Variants in NDUFB8 observed in about 807,000 individuals in gnomAD.
NDUFB8 encodes the protein NADH:ubiquinone oxidoreductase subunit B8, also known as NADH dehydrogenase [ubiquinone] 1 beta subcomplex subunit 8, mitochondrial.
Under a neutral mutation model 26.0 loss-of-function variants are expected in NDUFB8, and 17 were observed. The ratio of observed to expected loss-of-function variants is 0.65; its 90% CI spans 0.45 to 0.98. The LOEUF (loss-of-function observed/expected upper bound fraction) is 0.98, where lower values mean the gene tolerates loss of function less well. Among genes scored for constraint, NDUFB8 ranks in the 50% least tolerant of loss-of-function variants. The pLI, the probability that NDUFB8 is intolerant of heterozygous loss-of-function variation, is 0.00. For synonymous variants in NDUFB8, 89 were observed against 93.1 expected, an observed-to-expected ratio of 0.96 and a Z score of 0.25; for missense variants, 238 against 255.0, an observed-to-expected ratio of 0.93 and a Z score of 0.45.
intron 2 of NDUFB8, chr10:100,529,099 C>A: frequency 3.5e-6 from 1 of 285,242 alleles, no homozygotes; most frequent in Non-Finnish European, 6.6e-6. Context: ...CTGGATAGAG[C>A]CAAGGAAGGC....
rs1240873376 is a variant in NDUFB8, at chr10:100,523,762, A to C, written c.*75T>G. ...AAATAACACAGCACTGAGTTTTATT[A>C]GGGATTTCATTAAGGTTAAATTTCT... On this transcript the variant is annotated 3_prime_UTR_variant, in exon 5 of 5. Coordinates refer to ENST00000299166, the MANE Select transcript of NDUFB8 (RefSeq NM_005004.4). 8 of 1,363,854 alleles carry C rather than the reference A, an allele frequency of 5.9e-6. No individual in the cohort carries two copies. The African/African-American group carries it at 1.0e-4, about 17-fold the overall frequency. The allele number at this position is 1,363,854 out of a possible 1,614,324, so 84.5% of individuals were successfully genotyped here. A position where few individuals can be genotyped will look rare whatever the true frequency, so the allele number is the denominator to read the frequency against.
intron 2 of NDUFB8, 37 bp downstream of exon 2, chr10:100,529,343 T>C (rs1275481336): frequency 1.3e-6 from 2 of 1,525,752 alleles, no homozygotes; most frequent in Non-Finnish European, 1.8e-6. Context: ...CCTTCTCCCA[T>C]CACTACTTGG....
At chr10:100,525,189 C>T (rs761649886) in intron 4 of NDUFB8, among the ~76,000 whole-genome samples, 5 of 151,962 alleles carry the variant, frequency 3.3e-5, no homozygotes, top group Non-Finnish European at 7.4e-5. Flanking sequence ...CCAATGCAGC[C>T]GGTTATTTAG....
Position 100,524,177 on chromosome 10 carries a change from T to A in NDUFB8, c.469-248A>T. ...AGGAGAAAGGGGGAGGGAAGGGGGT[T>A]AGGGAAAGGAGGGGAAGGGAGGAAG... On this transcript the variant is annotated intron_variant, in intron 4 of 4. Transcript: ENST00000299166. This position sits in a 1 kb window ranked among gnomAD's most constrained non-coding sequence, Gnocchi z 4.0. The A allele has an allele frequency of 6.8e-7, 1 of 1,479,206 alleles. No homozygotes were observed. Among genetic ancestry groups the A allele is most frequent in the Non-Finnish European group, 9.2e-7 (1 of 1,082,876 alleles). 91.6% of individuals were successfully genotyped at this position (1,479,206 alleles called of 1,614,324 possible).
At chr10:100,529,256 AC>A (rs1257034140) in intron 2 of NDUFB8, 123 bp downstream of exon 2, 2 of 450,728 alleles carry the variant, frequency 4.4e-6, no homozygotes, top group East Asian at 2.3e-4. Flanking sequence ...AGAGAAAAGC[AC>A]CCACTCCATT....
downstream of NDUFB8, chr10:100,523,734 C>T: frequency 9.1e-7 from 1 of 1,093,046 alleles, no homozygotes; most frequent in Non-Finnish European, 1.3e-6. Context: ...GGAAATGAGG[C>T]ACAAATAACA....
rs1056688070 is a variant in NDUFB8, at chr10:100,524,177, TAGGGAAAGG to T, written c.469-257_469-249del. ...AGGAGAAAGGGGGAGGGAAGGGGGT[TAGGGAAAGG>T]AGGGGAAGGGAGGAAGACAGGGAGG... On this transcript the variant is annotated intron_variant, in intron 4 of 4. Coordinates refer to ENST00000299166, the MANE Select transcript of NDUFB8 (RefSeq NM_005004.4). This position sits in a 1 kb window ranked among gnomAD's most constrained non-coding sequence, Gnocchi z 4.0. 1 of 1,479,086 alleles carries T rather than the reference TAGGGAAAGG, an allele frequency of 6.8e-7. No individual in the cohort carries two copies. Among genetic ancestry groups the T allele is most frequent in the African/African-American group, 1.4e-5 (1 of 69,636 alleles). 91.6% of individuals were successfully genotyped at this position (1,479,086 alleles called of 1,614,324 possible). A position where few individuals can be genotyped will look rare whatever the true frequency, so the allele number is the denominator to read the frequency against.
At chr10:100,529,640 G>A in intron 1 of NDUFB8, 127 bp downstream of exon 1, 1 of 1,539,744 alleles carries the variant, frequency 6.5e-7, no homozygotes, top group Non-Finnish European at 8.8e-7. Flanking sequence ...CCATTTTCTG[G>A]ATATATCAAC....
rs760778443 is a variant in NDUFB8 at position 100,529,797 on chromosome 10, G to A, written c.55C>T (p.Arg19Trp). Residue 19 changes from arginine (R) to tryptophan (W), a missense_variant, in exon 1 of 5, where the codon CGG (arginine) becomes TGG (tryptophan). By Grantham distance (101) the Arg-to-Trp change is moderately radical. Coordinates refer to ENST00000299166, the MANE Select transcript of NDUFB8 (RefSeq NM_005004.4). ...LGVQWLQRAS[R>W]NVMPLGARTA... ...CGTGCGCCCAGCGGCATCACGTTCC[G>A]GGATGCCCTTTGCAGCCACTGGACT... 2 of 1,613,572 alleles carry A rather than the reference G, an allele frequency of 1.2e-6. No homozygotes were observed. Among genetic ancestry groups the A allele is most frequent in the African/African-American group, 1.3e-5 (1 of 74,904 alleles).
chr10:100,526,342 C>T, intron 4 of NDUFB8, 57 bp downstream of exon 4: 1 of 1,515,146 alleles, frequency 6.6e-7, no homozygotes, highest in Non-Finnish European at 8.8e-7. Context: ...AGACTTCACT[C>T]CCTCAGGAAA....
chr10:100,526,604 G>A (rs1451710811), intron 3 of NDUFB8, 50 bp from the exon 4 acceptor site: 1 of 1,604,282 alleles, frequency 6.2e-7, no homozygotes, highest in Non-Finnish European at 8.5e-7. Context: ...CCTGCAAAAT[G>A]CAGGCAAGTC....
chr10:100,527,869 G>C (rs533574164), intron 2 of NDUFB8, among the ~76,000 whole-genome samples: 1 of 152,194 alleles, frequency 6.6e-6, no homozygotes, highest in African/African-American at 2.4e-5. Flanking sequence ...GCCCAGACTG[G>C]AGGGCAATGG....
At chr10:100,527,859 G>A (rs1852079053) in intron 2 of NDUFB8, among the ~76,000 whole-genome samples, 1 of 151,960 alleles carries the variant, frequency 6.6e-6, no homozygotes, top group South Asian at 2.1e-4. Flanking sequence ...TGCTCTTGTT[G>A]CCCAGACTGG....
rs1364192590 is a variant in NDUFB8 at position 100,526,516 on chromosome 10, C to T, written c.351G>A (p.Val117=). The part of the protein sequence containing the change: ...WHLDMYNRNR[V]DTSPTPVSWH... The stretch of plus-strand genomic sequence containing the variant: ...AAGAAACAGGTGTGGGGGATGTATC[C>T]ACACGGTTCCTGTTGTACATGTCTA... The change falls in exon 4 of 5, where the codon GTG becomes GTA. Residue 117 remains valine (V), a synonymous_variant. Coordinates refer to ENST00000299166, the MANE Select transcript of NDUFB8 (RefSeq NM_005004.4). 1 of 1,612,138 alleles carries T rather than the reference C, an allele frequency of 6.2e-7. No homozygotes were observed.
chr10:100,525,865 A>G (rs561387708), intron 4 of NDUFB8, among the ~76,000 whole-genome samples: 3 of 152,032 alleles, frequency 2.0e-5, no homozygotes, highest in Non-Finnish European at 4.4e-5. Flanking sequence ...GAATTCCCAT[A>G]TATCTGTTCA....
Position 100,524,287 on chromosome 10 carries a change from C to T in NDUFB8, c.469-358G>A, listed in dbSNP as rs531407755. On this transcript the variant is annotated intron_variant, in intron 4 of 4. Transcript: ENST00000299166. This position sits in a 1 kb window ranked among gnomAD's most constrained non-coding sequence, Gnocchi z 4.0. The stretch of plus-strand genomic sequence containing the variant: ...AAATGAGACGATGCATCCATCCATC[C>T]CACTCTCTCTCGGGGTCGAGACAGA... The T allele has an allele frequency of 9.2e-5, 68 of 736,638 alleles. No homozygotes were observed. Among genetic ancestry groups the T allele is most frequent in the East Asian group, 2.7e-5 (1 of 37,176 alleles). The allele number at this position is 736,638 out of a possible 1,614,324, so 45.6% of individuals were successfully genotyped here.
At chr10:100,525,169 C>T (rs1852022166) in intron 4 of NDUFB8, among the ~76,000 whole-genome samples, 1 of 152,122 alleles carries the variant, frequency 6.6e-6, no homozygotes, top group African/African-American at 2.4e-5. Context: ...TTTAGCAAGT[C>T]TCCAGGAAAC....
At chr10:100,527,885 T>C (rs1347142947) in intron 2 of NDUFB8, among the ~76,000 whole-genome samples, 1 of 152,160 alleles carries the variant, frequency 6.6e-6, no homozygotes. Flanking sequence ...AATGGCACAA[T>C]CTCAGCTTAC....
At chr10:100,525,611 A>G (rs972222420) in intron 4 of NDUFB8, among the ~76,000 whole-genome samples, 1 of 129,896 alleles carries the variant, frequency 7.7e-6, no homozygotes, top group Non-Finnish European at 1.6e-5. Flanking sequence ...CCCACCACCC[A>G]AAGCGTGTGT....
Sources: allele counts gnomAD v4.1 joint callset (sites outside exome capture counted in the v4.1 genomes callset), GRCh38; gene constraint gnomAD v4.1.1; non-coding constraint Gnocchi (gnomAD v3.1); transcripts MANE v1.5; gene names NCBI Gene and HGNC (gene_info 2026-07-23, HGNC 2026-07-21).